SCEL: variants seen among roughly 807,000 people sequenced by gnomAD.
SCEL encodes sciellin.
A neutral mutation model predicts 117.6 loss-of-function variants in SCEL; 113 were observed. The observed-to-expected ratio is 0.96, with a 90% CI of 0.83 to 1.12. The LOEUF (loss-of-function observed/expected upper bound fraction) is 1.12, where lower values mean the gene tolerates loss of function less well. Ranked by LOEUF, SCEL falls within the 50% of genes most tolerant of loss-of-function variation. The pLI, the probability that SCEL is intolerant of heterozygous loss-of-function variation, is 0.00. For missense variants in SCEL, 785 were observed against 810.8 expected, an observed-to-expected ratio of 0.97 and a Z score of 0.39; for synonymous variants, 270 against 256.2, an observed-to-expected ratio of 1.05 and a Z score of -0.51.
chr13:77,535,995 CT>C (rs1218881160), intron 1 of SCEL, among the ~76,000 whole-genome samples, 171 bp downstream of exon 1: 3 of 152,042 alleles, frequency 2.0e-5, no homozygotes, highest in Non-Finnish European at 2.9e-5. Context: ...CCTTGCTGTA[CT>C]TTTAGGTCAC....
chr13:77,592,452 A>G (rs2086925121), intron 11 of SCEL, among the ~76,000 whole-genome samples: 1 of 152,194 alleles, frequency 6.6e-6, no homozygotes, highest in African/African-American at 2.4e-5. Context: ...CAAATCAGCA[A>G]AAGTCGGTTA....
At chr13:77,563,147 G>A (rs758638196) in intron 4 of SCEL, among the ~76,000 whole-genome samples, 1 of 150,986 alleles carries the variant, frequency 6.6e-6, no homozygotes, top group Non-Finnish European at 1.5e-5. Flanking sequence ...TTGCTCATCT[G>A]TCTTGCTCTC....
chr13:77,563,868 A>T lies in SCEL; in HGVS notation c.259A>T (p.Ser87Cys), dbSNP rs2085130818. Reference sequence around the variant, plus strand: ...GAGAGATGTGCCAAAAGCTACAATTAGTCGGTACAGTTCTGATGACACTTT... The same window carrying T: ...GAGAGATGTGCCAAAAGCTACAATTTGTCGGTACAGTTCTGATGACACTTT... Reference protein sequence around the residue: ...NERDVPKATISRYSSDDTLDR... With the variant: ...NERDVPKATICRYSSDDTLDR... Residue 87 changes from serine to cysteine, a missense_variant, in exon 5 of 33, where the codon AGT becomes TGT. Ser to Cys is a moderately radical substitution (Grantham distance 112). Coordinates refer to ENST00000349847, the MANE Select transcript of SCEL (RefSeq NM_144777.3). The T allele has an allele frequency of 6.2e-7, 1 of 1,603,026 alleles. No homozygotes were observed. The highest frequency in any genetic ancestry group is 8.5e-7 in the Non-Finnish European group (1 of 1,176,494).
chr13:77,594,952 A>C (rs374381138), intron 12 of SCEL, among the ~76,000 whole-genome samples: 1 of 152,176 alleles, frequency 6.6e-6, no homozygotes, highest in East Asian at 1.9e-4. Context: ...TGAATGTTTC[A>C]TTTCCATGTC....
chr13:77,637,067 T>A, intron 29 of SCEL, 53 bp from the exon 30 acceptor site: 1 of 882,462 alleles, frequency 1.1e-6, no homozygotes, highest in Non-Finnish European at 1.8e-6. Flanking sequence ...TGTTTTCTTA[T>A]CTACATAAGG....
chr13:77,591,284 GT>G (rs2086851484), intron 10 of SCEL, 110 bp from the exon 11 acceptor site: 1 of 727,704 alleles, frequency 1.4e-6, no homozygotes, highest in East Asian at 2.7e-5. Flanking sequence ...TAGTGTTATG[GT>G]TCCAACAAAC....
chr13:77,569,211 A>C (rs1750030146), intron 7 of SCEL, among the ~76,000 whole-genome samples, 160 bp from the exon 8 acceptor site: 1 of 152,232 alleles, frequency 6.6e-6, no homozygotes, highest in African/African-American at 2.4e-5. Context: ...AAATATGTCA[A>C]CTAAGGAAGA....
At chr13:77,610,467 A>T (rs901899816) in intron 22 of SCEL, among the ~76,000 whole-genome samples, 5 of 151,166 alleles carry the variant, frequency 3.3e-5, no homozygotes, top group African/African-American at 1.2e-4. Context: ...AAAAAAAAAA[A>T]AGATAAATTG....
intron 1 of SCEL, among the ~76,000 whole-genome samples, chr13:77,536,958 T>C (rs959836006): frequency 7.2e-5 from 11 of 152,266 alleles, no homozygotes; most frequent in African/African-American, 2.2e-4. Context: ...GTGGATAATT[T>C]TATTTTTCAT....
chr13:77,599,415 A>G, intron 14 of SCEL, 27 bp downstream of exon 14: 1 of 1,582,958 alleles, frequency 6.3e-7, no homozygotes, highest in Admixed American at 1.7e-5. Context: ...CAAATATGAA[A>G]ATCTTACCTT....
chr13:77,611,274 C>G (rs928004702), intron 22 of SCEL, among the ~76,000 whole-genome samples: 3 of 152,170 alleles, frequency 2.0e-5, no homozygotes, highest in African/African-American at 7.2e-5. Context: ...ACTTTATTTA[C>G]AAAAGCAGGC....
At chr13:77,591,500 TG>T (rs147154057) in intron 11 of SCEL, 40 bp downstream of exon 11, 151,559 of 1,124,420 alleles carry the variant, frequency 0.13, 11,161 homozygotes, top group Non-Finnish European at 0.15. Context: ...ACTGTAGTAA[TG>T]ATAAAGTATG....
intron 1 of SCEL, among the ~76,000 whole-genome samples, chr13:77,547,979 C>T (rs1312381813): frequency 6.6e-6 from 1 of 152,118 alleles, no homozygotes; most frequent in Non-Finnish European, 1.5e-5. Context: ...TAGTATATAG[C>T]TCTCTGGCCA....
intron 1 of SCEL, among the ~76,000 whole-genome samples, chr13:77,544,834 G>T (rs1346350889): frequency 6.6e-6 from 1 of 152,212 alleles, no homozygotes; most frequent in Non-Finnish European, 1.5e-5. Context: ...TTGATTTCAT[G>T]ATTCAGAACT....
At chr13:77,634,697 G>T (rs920331744) in intron 29 of SCEL, among the ~76,000 whole-genome samples, 1 of 152,080 alleles carries the variant, frequency 6.6e-6, no homozygotes, top group African/African-American at 2.4e-5. Flanking sequence ...ACATAATAGG[G>T]TTGCCATTTG....
intron 13 of SCEL, among the ~76,000 whole-genome samples, chr13:77,599,068 A>G (rs1301430149): frequency 6.6e-5 from 10 of 152,210 alleles, no homozygotes; most frequent in Non-Finnish European, 1.5e-4. Flanking sequence ...AAGGGTAGAA[A>G]TGCTCCATGA....
chr13:77,580,346 C>T (rs1487869406), intron 9 of SCEL, among the ~76,000 whole-genome samples: 1 of 152,154 alleles, frequency 6.6e-6, no homozygotes, highest in Admixed American at 6.5e-5. Context: ...TTTTCAAGTT[C>T]TTAAACACTT....
intron 28 of SCEL, among the ~76,000 whole-genome samples, chr13:77,630,987 G>A (rs896827760): frequency 1.3e-5 from 2 of 152,154 alleles, no homozygotes; most frequent in Non-Finnish European, 2.9e-5. Flanking sequence ...AAACTTTTGG[G>A]TACATCAGAA....
intron 11 of SCEL, among the ~76,000 whole-genome samples, chr13:77,592,182 C>T (rs140274856): frequency 1.7e-3 from 264 of 152,150 alleles, no homozygotes; most frequent in African/African-American, 5.7e-3. Flanking sequence ...ATATTATCCC[C>T]GTTTGACTTT....
Sources: allele counts gnomAD v4.1 joint callset (sites outside exome capture counted in the v4.1 genomes callset), GRCh38; gene constraint gnomAD v4.1.1; transcripts MANE v1.5; gene names NCBI Gene and HGNC (gene_info 2026-07-23, HGNC 2026-07-21).